GPR39: variants seen among roughly 807,000 people sequenced by gnomAD.
The protein encoded by GPR39 is G protein-coupled receptor 39.
A neutral mutation model predicts 18.4 loss-of-function variants in GPR39; 23 were observed. That is an observed-to-expected ratio of 1.25 (90% CI 0.90 to 1.77). The LOEUF (loss-of-function observed/expected upper bound fraction) is 1.77, where lower values mean the gene tolerates loss of function less well. Ranked by LOEUF, GPR39 falls within the 40% of genes most tolerant of loss-of-function variation. GPR39 has a pLI of 0.00. For synonymous variants in GPR39, 280 were observed against 257.9 expected, an observed-to-expected ratio of 1.09 and a Z score of -0.82; for missense variants, 647 against 602.4, an observed-to-expected ratio of 1.07 and a Z score of -0.78.
intron 1 of GPR39, among the ~76,000 whole-genome samples, chr2:132,478,051 G>GT (rs1271149735): frequency 6.6e-6 from 1 of 152,156 alleles, no homozygotes; most frequent in Admixed American, 6.5e-5. Context: ...TTGAGACACT[G>GT]TCCCACACAT....
intron 1 of GPR39, among the ~76,000 whole-genome samples, chr2:132,583,718 G>C (rs373903090): frequency 4.6e-5 from 7 of 151,486 alleles, no homozygotes; most frequent in African/African-American, 1.7e-4. Context: ...GGAAGATTTG[G>C]TGGCTGGAGG....
At chr2:132,532,291 C>G (rs1180144969) in intron 1 of GPR39, among the ~76,000 whole-genome samples, 3 of 152,084 alleles carry the variant, frequency 2.0e-5, no homozygotes, top group African/African-American at 7.2e-5. Context: ...AAGACTAAAC[C>G]AGGAAGAAGT....
intron 1 of GPR39, chr2:132,644,742 CAA>C (rs759163909): frequency 8.9e-6 from 2 of 223,632 alleles, no homozygotes; most frequent in Non-Finnish European, 8.8e-6. Context: ...TTCTTTAAAA[CAA>C]AAAAAGACAA....
chr2:132,488,067 T>C (rs1451838784), intron 1 of GPR39, among the ~76,000 whole-genome samples: 18 of 152,170 alleles, frequency 1.2e-4, no homozygotes, highest in Admixed American at 1.2e-3. Context: ...TAGGTCCTAT[T>C]TGCCTTCCAT....
intron 1 of GPR39, among the ~76,000 whole-genome samples, chr2:132,518,501 T>C (rs1422959365): frequency 1.3e-5 from 2 of 152,234 alleles, no homozygotes; most frequent in South Asian, 4.1e-4. Context: ...GAGGGTTGTC[T>C]CATCCGCCCC....
At chr2:132,627,795 C>A (rs772676663) in intron 1 of GPR39, among the ~76,000 whole-genome samples, 4 of 152,168 alleles carry the variant, frequency 2.6e-5, no homozygotes, top group African/African-American at 9.7e-5. Context: ...TTGGATTTTG[C>A]TCCATCCCTA....
At chr2:132,628,571 AT>A (rs1407639384) in intron 1 of GPR39, among the ~76,000 whole-genome samples, 1 of 152,134 alleles carries the variant, frequency 6.6e-6, no homozygotes, top group East Asian at 1.9e-4. Context: ...ACTCTATTCT[AT>A]CTATGCACAT....
chr2:132,598,431 C>CTTTTTTTTTT lies in GPR39; in HGVS notation c.857-46658_857-46649dup, dbSNP rs34104835. Among the ~76,000 whole-genome samples the CTTTTTTTTTT allele has an allele frequency of 8.8e-4, 80 of 90,412 alleles. 1 individual carries two copies. Among genetic ancestry groups the CTTTTTTTTTT allele is most frequent in the South Asian group, 1.8e-3 (4 of 2,254 alleles). The allele number at this position is 90,412 out of a possible 152,430, so 59.3% of individuals were successfully genotyped here. A position where few individuals can be genotyped will look rare whatever the true frequency, so the allele number is the denominator to read the frequency against. ...TCTGATTTGGCTGGTCTAAGGTGAACTTTTTTTTTTTTTTTTTTTTTAAGC... is the reference window on the plus strand; with the variant it reads ...TCTGATTTGGCTGGTCTAAGGTGAACTTTTTTTTTTTTTTTTTTTTTTTTTTTTTTTAAGC... On this transcript the variant is annotated intron_variant, in intron 1 of 1. Transcript: ENST00000329321.
chr2:132,437,217 A>G (rs1680340132), intron 1 of GPR39, among the ~76,000 whole-genome samples: 1 of 152,156 alleles, frequency 6.6e-6, no homozygotes, highest in Non-Finnish European at 1.5e-5. Context: ...GTTTCACTGA[A>G]CGATATTCAC....
At chr2:132,550,916 G>T (rs914135695) in intron 1 of GPR39, among the ~76,000 whole-genome samples, 10 of 152,158 alleles carry the variant, frequency 6.6e-5, no homozygotes, top group Non-Finnish European at 1.2e-4. Context: ...TTGGAAAGGG[G>T]GCTTTGTTAA....
chr2:132,611,146 G>C (rs989610145), intron 1 of GPR39, among the ~76,000 whole-genome samples: 1 of 152,238 alleles, frequency 6.6e-6, no homozygotes, highest in Admixed American at 6.5e-5. Flanking sequence ...CGGACATAGT[G>C]TTCCCTTTTT....
intron 1 of GPR39, among the ~76,000 whole-genome samples, chr2:132,579,467 A>C (rs1680587759): frequency 6.6e-6 from 1 of 152,116 alleles, no homozygotes; most frequent in African/African-American, 2.4e-5. Context: ...TTTTGATTAA[A>C]TCCTGTTGGT....
At chr2:132,559,591 TC>T (rs1332024745) in intron 1 of GPR39, among the ~76,000 whole-genome samples, 2 of 151,978 alleles carry the variant, frequency 1.3e-5, no homozygotes, top group Non-Finnish European at 2.9e-5. Flanking sequence ...CAAACAGCTC[TC>T]CCGGCCAGGT....
At chr2:132,484,367 A>G (rs1280080489) in intron 1 of GPR39, among the ~76,000 whole-genome samples, 3 of 152,238 alleles carry the variant, frequency 2.0e-5, no homozygotes, top group African/African-American at 7.2e-5. Context: ...AATCATTTAA[A>G]TATGTTTTCA....
intron 1 of GPR39, among the ~76,000 whole-genome samples, chr2:132,587,141 C>T (rs533792611): frequency 7.2e-5 from 11 of 152,232 alleles, no homozygotes; most frequent in Non-Finnish European, 1.6e-4. Flanking sequence ...TAGGACGGTC[C>T]GGGATGATTC....
At chr2:132,585,235 T>C (rs1438767926) in intron 1 of GPR39, among the ~76,000 whole-genome samples, 1 of 152,146 alleles carries the variant, frequency 6.6e-6, no homozygotes, top group Non-Finnish European at 1.5e-5. Flanking sequence ...GGGGGCTCTC[T>C]GTGGGCCCTT....
chr2:132,582,972 G>T (rs545400915), intron 1 of GPR39, among the ~76,000 whole-genome samples: 2 of 141,908 alleles, frequency 1.4e-5, no homozygotes, highest in African/African-American at 2.7e-5. Context: ...CTAGGTTGCA[G>T]TGACACTATC....
intron 1 of GPR39, among the ~76,000 whole-genome samples, chr2:132,585,840 G>A (rs113919565): frequency 6.6e-6 from 1 of 151,986 alleles, no homozygotes; most frequent in Non-Finnish European, 1.5e-5. Context: ...GGTGTCCCTC[G>A]AGGTGAAGGC....
At chr2:132,554,065 C>G (rs1420235313) in intron 1 of GPR39, among the ~76,000 whole-genome samples, 1 of 152,164 alleles carries the variant, frequency 6.6e-6, no homozygotes, top group Admixed American at 6.5e-5. Flanking sequence ...GAAGTATAGC[C>G]TTCCTCTAAC....
Sources: allele counts gnomAD v4.1 joint callset (sites outside exome capture counted in the v4.1 genomes callset), GRCh38; gene constraint gnomAD v4.1.1; transcripts MANE v1.5; gene names NCBI Gene and HGNC (gene_info 2026-07-23, HGNC 2026-07-21).